FAM168A: variants seen among roughly 807,000 people sequenced by gnomAD.
FAM168A encodes family with sequence similarity 168 member A.
FAM168A carries 3 observed loss-of-function variants against 28.5 expected under a neutral mutation model. The observed-to-expected ratio is 0.11, with a 90% confidence interval of 0.05 to 0.27. FAM168A has a LOEUF of 0.27. Ranked by LOEUF, FAM168A falls within the 10% of genes least tolerant of loss-of-function variation. FAM168A has a pLI of 1.00. For synonymous variants in FAM168A, 122 were observed against 124.2 expected (o/e 0.98, Z 0.12); for missense variants, 222 against 311.5 (o/e 0.71, Z 2.16).
intron 1 of FAM168A, among the ~76,000 whole-genome samples, chr11:73,552,357 G>T (rs2134693574): frequency 6.6e-6 from 1 of 152,194 alleles, no homozygotes; most frequent in Admixed American, 6.5e-5. Flanking sequence ...TTCAATACAT[G>T]GTAACATTTA....
intron 1 of FAM168A, among the ~76,000 whole-genome samples, chr11:73,582,200 A>C (rs1944256455): frequency 6.6e-6 from 1 of 152,146 alleles, no homozygotes; most frequent in Non-Finnish European, 1.5e-5. Context: ...TCTAATCAGC[A>C]AAATATTTTG....
At chr11:73,468,082 C>T (rs1867762536) in intron 2 of FAM168A, among the ~76,000 whole-genome samples, 2 of 152,164 alleles carry the variant, frequency 1.3e-5, no homozygotes, top group East Asian at 1.9e-4. Flanking sequence ...AAAAAATTAA[C>T]AGGCATTCTT....
At chr11:73,569,392 G>A in intron 1 of FAM168A, among the ~76,000 whole-genome samples, 1 of 152,170 alleles carries the variant, frequency 6.6e-6, no homozygotes, top group Non-Finnish European at 1.5e-5. Context: ...TCAACAGTCT[G>A]TCTACCATGG....
chr11:73,448,846 T>A (rs80282399), intron 2 of FAM168A, among the ~76,000 whole-genome samples: 3,038 of 152,326 alleles, frequency 0.02, 38 homozygotes, highest in Middle Eastern at 0.044. Context: ...ACCTAATAAA[T>A]CAATGTCACC....
At chr11:73,593,050 AT>A (rs1223171946) in intron 1 of FAM168A, among the ~76,000 whole-genome samples, 1 of 152,224 alleles carries the variant, frequency 6.6e-6, no homozygotes, top group African/African-American at 2.4e-5. Flanking sequence ...AAGAATATTT[AT>A]CCTATAATTC....
chr11:73,535,712 C>A (rs564725850), intron 1 of FAM168A, among the ~76,000 whole-genome samples: 1 of 140,080 alleles, frequency 7.1e-6, no homozygotes, highest in Non-Finnish European at 1.5e-5. Context: ...AGCCACCGCA[C>A]CTCACCCTTC....
At chr11:73,497,452 CT>C (rs1035632665) in intron 1 of FAM168A, among the ~76,000 whole-genome samples, 13 of 150,370 alleles carry the variant, frequency 8.6e-5, no homozygotes, top group Non-Finnish European at 1.8e-4. Flanking sequence ...CATACCCCCC[CT>C]CAAAAAAAAA....
At chr11:73,430,246 A>ATGTATGTG (rs1866960961) in intron 3 of FAM168A, 1 of 147,390 alleles carries the variant, frequency 6.8e-6, no homozygotes, top group South Asian at 2.1e-4. Context: ...TGGCAAGAGC[A>ATGTATGTG]TGTGTGTGTG....
intron 1 of FAM168A, among the ~76,000 whole-genome samples, chr11:73,565,048 C>T (rs1305384169): frequency 2.0e-5 from 3 of 152,116 alleles, no homozygotes; most frequent in African/African-American, 7.2e-5. Context: ...GGAAAATGGG[C>T]ACTGAGGCCT....
chr11:73,445,419 CTTTTTTTTT>C (rs56294455), intron 2 of FAM168A, among the ~76,000 whole-genome samples: 34 of 50,460 alleles, frequency 6.7e-4, no homozygotes, highest in East Asian at 3.5e-3. Flanking sequence ...AAAAATGTCT[CTTTTTTTTT>C]TTTTTTTTTT....
intron 1 of FAM168A, among the ~76,000 whole-genome samples, chr11:73,491,614 G>C (rs535513359): frequency 2.0e-5 from 3 of 152,192 alleles, no homozygotes; most frequent in Non-Finnish European, 4.4e-5. Flanking sequence ...TTGAACTCAA[G>C]TTCCCTATTC....
intron 2 of FAM168A, among the ~76,000 whole-genome samples, chr11:73,465,783 T>C (rs558874834): frequency 6.6e-6 from 1 of 152,226 alleles, no homozygotes; most frequent in East Asian, 1.9e-4. Flanking sequence ...ATATAGTCTA[T>C]GCTTAAACAT....
chr11:73,513,205 A>ATTTTTTTTTTTTTTTTT (rs1046600591), intron 1 of FAM168A, among the ~76,000 whole-genome samples: 4 of 109,378 alleles, frequency 3.7e-5, no homozygotes, highest in East Asian at 2.4e-4. Flanking sequence ...TTTTTTTTTA[A>ATTTTTTTTTTTTTTTTT]TTTTTTTTTT....
At chr11:73,578,711 C>T (rs914766857) in intron 1 of FAM168A, among the ~76,000 whole-genome samples, 34 of 152,298 alleles carry the variant, frequency 2.2e-4, no homozygotes, top group African/African-American at 7.5e-4. Context: ...TTTCAGAATA[C>T]GTTTCCATAC....
Position 73,407,603 on chromosome 11 carries a change from T to C in FAM168A, c.636A>G (p.Ala212=), listed in dbSNP as rs1866530193. ...TATATGTTGGCATGGAGACAGGGTG[T>C]GCCCCAATCGCCGTGTGCTGGGGTG... is the stretch of plus-strand genomic sequence containing the variant. ...LTTPQHTAIG[A]HPVSMPTYRA... The change falls in exon 7 of 8, where the codon GCA becomes GCG. Residue 212 remains alanine (A), a synonymous_variant. Coordinates refer to ENST00000356467, the MANE Select transcript of FAM168A (RefSeq NM_015159.3). 1.2e-6 allele frequency: 2 copies of C among 1,610,924 alleles called. No individual in the cohort carries two copies. The highest frequency in any genetic ancestry group is 2.7e-5 in the African/African-American group (2 of 74,622).
chr11:73,514,341 G>A (rs1262003155), intron 1 of FAM168A, among the ~76,000 whole-genome samples: 1 of 152,110 alleles, frequency 6.6e-6, no homozygotes, highest in Non-Finnish European at 1.5e-5. Context: ...AACTGCTTTT[G>A]AGAAAAAAAA....
At chr11:73,513,506 C>T (rs1365462975) in intron 1 of FAM168A, among the ~76,000 whole-genome samples, 4 of 151,768 alleles carry the variant, frequency 2.6e-5, no homozygotes, top group Admixed American at 6.6e-5. Flanking sequence ...ATGAGCACCG[C>T]GCCCCACCCA....
At chr11:73,523,182 C>A (rs573329901) in intron 1 of FAM168A, among the ~76,000 whole-genome samples, 1 of 152,278 alleles carries the variant, frequency 6.6e-6, no homozygotes, top group African/African-American at 2.4e-5. Context: ...AGAGCCAGAA[C>A]TGGAGTTTCA....
At chr11:73,456,917 G>A (rs1459082127) in intron 2 of FAM168A, among the ~76,000 whole-genome samples, 1 of 152,232 alleles carries the variant, frequency 6.6e-6, no homozygotes, top group Non-Finnish European at 1.5e-5. Context: ...AAATATGGGG[G>A]TTATGTGTTC....
Sources: allele counts gnomAD v4.1 joint callset (sites outside exome capture counted in the v4.1 genomes callset), GRCh38; gene constraint gnomAD v4.1.1; transcripts MANE v1.5; gene names NCBI Gene and HGNC (gene_info 2026-07-23, HGNC 2026-07-21).